Variants in RALGAPA1 observed in about 807,000 individuals in gnomAD.
RALGAPA1 encodes the protein ral GTPase-activating protein subunit alpha-1.
Under a neutral mutation model 269.6 loss-of-function variants are expected in RALGAPA1, and 52 were observed. The ratio of observed to expected loss-of-function variants is 0.19; its 90% CI spans 0.15 to 0.24. The LOEUF is 0.24. Ranked by LOEUF, RALGAPA1 falls within the 10% of genes least tolerant of loss-of-function variation. The pLI is 1.00. For missense variants in RALGAPA1, 1,917 were observed against 3,013.9 expected, an observed-to-expected ratio of 0.64 and a Z score of 8.52; for synonymous variants, 817 against 1,008.3, an observed-to-expected ratio of 0.81 and a Z score of 3.60.
chr14:35,579,562 C>G (rs559956908), intron 37 of RALGAPA1, among the ~76,000 whole-genome samples: 2 of 147,690 alleles, frequency 1.4e-5, no homozygotes, highest in Non-Finnish European at 3.0e-5. Context: ...GAAAAGAGAT[C>G]GCGCCATTGC....
At chr14:35,675,738 T>C (rs930961415) in intron 22 of RALGAPA1, among the ~76,000 whole-genome samples, 1 of 152,152 alleles carries the variant, frequency 6.6e-6, no homozygotes, top group African/African-American at 2.4e-5. Flanking sequence ...TCAATGTATA[T>C]AATGGAAAAG....
intron 4 of RALGAPA1, among the ~76,000 whole-genome samples, chr14:35,767,536 A>G (rs2074251421): frequency 6.6e-6 from 1 of 152,000 alleles, no homozygotes. Flanking sequence ...AAATACAAAA[A>G]TTAGCCGGGC....
chr14:35,681,119 G>A (rs2065400116), intron 21 of RALGAPA1, among the ~76,000 whole-genome samples: 1 of 152,052 alleles, frequency 6.6e-6, no homozygotes, highest in Non-Finnish European at 1.5e-5. Flanking sequence ...ATGATTTCAG[G>A]ACTACTAACA....
At chr14:35,653,660 TG>T (rs2062990816) in intron 30 of RALGAPA1, among the ~76,000 whole-genome samples, 1 of 151,736 alleles carries the variant, frequency 6.6e-6, no homozygotes, top group Non-Finnish European at 1.5e-5. Flanking sequence ...TTTTTTTTTG[TG>T]GGGGTATGTG....
chr14:35,555,188 T>G (rs541207476), intron 39 of RALGAPA1, among the ~76,000 whole-genome samples: 1 of 152,310 alleles, frequency 6.6e-6, no homozygotes, highest in Non-Finnish European at 1.5e-5. Flanking sequence ...AAAAGAAAAC[T>G]GATAATTACT....
intron 36 of RALGAPA1, among the ~76,000 whole-genome samples, chr14:35,597,428 TAATGTAA>T (rs1428364805): frequency 6.6e-6 from 1 of 152,210 alleles, no homozygotes; most frequent in Admixed American, 6.5e-5. Context: ...AATTCTCTGA[TAATGTAA>T]AGGAGAAAGT....
chr14:35,569,014 G>C (rs1464944164), intron 39 of RALGAPA1, among the ~76,000 whole-genome samples: 5 of 152,156 alleles, frequency 3.3e-5, no homozygotes, highest in Non-Finnish European at 7.4e-5. Context: ...TTTAAAGTAA[G>C]TGAAGATATA....
chr14:35,643,065 A>G (rs2062133372), intron 31 of RALGAPA1, among the ~76,000 whole-genome samples: 1 of 152,102 alleles, frequency 6.6e-6, no homozygotes, highest in Non-Finnish European at 1.5e-5. Context: ...CATCATTCTG[A>G]GCAAACTGTC....
intron 27 of RALGAPA1, 88 bp from the exon 28 acceptor site, chr14:35,659,284 T>C (rs1264330236): frequency 1.5e-5 from 14 of 907,948 alleles, no homozygotes; most frequent in East Asian, 5.3e-5. Flanking sequence ...ATTAAAGCAG[T>C]CTTTGTTCTC....
intron 1 of RALGAPA1, among the ~76,000 whole-genome samples, chr14:35,791,134 G>A (rs1348320762): frequency 1.3e-5 from 2 of 152,136 alleles, no homozygotes; most frequent in Non-Finnish European, 2.9e-5. Flanking sequence ...GATGGGTGCT[G>A]AAGTATAATA....
At position 35,809,022 on chromosome 14, in the gene RALGAPA1, G is replaced by A. The variant is rs1490355049; in HGVS notation, c.-187C>T. 162 of 1,187,634 alleles carry A rather than the reference G, an allele frequency of 1.4e-4. 1 individual carries two copies. In the East Asian group the frequency reaches 4.0e-3, roughly 29 times the overall value. 73.6% of individuals were successfully genotyped at this position (1,187,634 alleles called of 1,614,324 possible). A position where few individuals can be genotyped will look rare whatever the true frequency, so the allele number is the denominator to read the frequency against. ...CAGGGCCGCCACCTCCACCCGCCTC[G>A]CGCCGCGGCTCCAAGGCACCTTCGG... is the stretch of plus-strand genomic sequence containing the variant. On this transcript the variant is annotated 5_prime_UTR_variant, in exon 1 of 42. Transcript: ENST00000680220.
At chr14:35,702,743 ATT>A (rs1282374814) in intron 16 of RALGAPA1, among the ~76,000 whole-genome samples, 5 of 141,786 alleles carry the variant, frequency 3.5e-5, no homozygotes, top group African/African-American at 5.1e-5. Context: ...ATATATATAC[ATT>A]TTTTTTTTTT....
In RALGAPA1 at chr14:35,635,478, T is replaced by C. The variant is rs372754869; in HGVS notation, c.5797A>G (p.Asn1933Asp). 5.6e-6 allele frequency: 9 copies of C among 1,596,832 alleles called. No homozygotes were observed. Among genetic ancestry groups the C allele is most frequent in the Non-Finnish European group, 7.7e-6 (9 of 1,173,912 alleles). The change falls in exon 32 of 42, where the codon AAT (asparagine) becomes GAT (aspartate). Residue 1933 changes from asparagine to aspartate, a missense_variant. Coordinates refer to ENST00000680220, the MANE Select transcript of RALGAPA1 (RefSeq NM_001346249.2). ...AGGAAGTTTACCTTATAAATGCAAT[T>C]GAGAACAGATTTTTCTGTTTTATCG... ...ESDKTEKSVL[N>D]CIYKVLHGCV...
intron 12 of RALGAPA1, among the ~76,000 whole-genome samples, chr14:35,729,403 TA>T (rs1486920801): frequency 4.0e-5 from 6 of 151,392 alleles, no homozygotes; most frequent in South Asian, 2.1e-4. Flanking sequence ...TAAAAAAGTA[TA>T]AAAAAAAGTA....
At chr14:35,611,940 A>C (rs1205386001) in intron 35 of RALGAPA1, among the ~76,000 whole-genome samples, 1 of 152,242 alleles carries the variant, frequency 6.6e-6, no homozygotes, top group Non-Finnish European at 1.5e-5. Context: ...TGAGACATAC[A>C]AATCAGTGGA....
chr14:35,695,659 C>T (rs1022952649), intron 17 of RALGAPA1, among the ~76,000 whole-genome samples: 9 of 152,128 alleles, frequency 5.9e-5, no homozygotes, highest in Non-Finnish European at 1.3e-4. Flanking sequence ...ACTCATAGTA[C>T]TTGATTAGAA....
At chr14:35,805,608 A>G (rs1394238638) in intron 1 of RALGAPA1, among the ~76,000 whole-genome samples, 1 of 151,716 alleles carries the variant, frequency 6.6e-6, no homozygotes, top group African/African-American at 2.4e-5. Flanking sequence ...CTGAGGTGGG[A>G]GAAAGAGATT....
intron 39 of RALGAPA1, chr14:35,564,471 G>C (rs1737114897): frequency 6.6e-6 from 1 of 152,068 alleles, no homozygotes; most frequent in African/African-American, 2.4e-5. Context: ...TTCCTACTTT[G>C]CAACAGGTAC....
chr14:35,800,785 A>G (rs2076908008), intron 1 of RALGAPA1, among the ~76,000 whole-genome samples: 1 of 152,206 alleles, frequency 6.6e-6, no homozygotes, highest in African/African-American at 2.4e-5. Context: ...CTGGTGGATC[A>G]CTTGAGGTCA....
Sources: allele counts gnomAD v4.1 joint callset (sites outside exome capture counted in the v4.1 genomes callset), GRCh38; gene constraint gnomAD v4.1.1; transcripts MANE v1.5; gene names NCBI Gene and HGNC (gene_info 2026-07-23, HGNC 2026-07-21).